Variants in RASGEF1B observed in about 807,000 individuals in gnomAD.
The protein encoded by RASGEF1B is RasGEF domain family member 1B, also known as ras-GEF domain-containing family member 1B.
Under a neutral mutation model 65.7 loss-of-function variants are expected in RASGEF1B, and 30 were observed. The ratio of observed to expected loss-of-function variants is 0.46; its 90% confidence interval spans 0.34 to 0.62. The LOEUF is 0.62. Ranked by LOEUF, RASGEF1B falls within the 20% of genes least tolerant of loss-of-function variation. The probability of loss-of-function intolerance (pLI) is 0.01; values close to 1 mark genes in which losing one functional copy is unlikely to be tolerated. For synonymous variants in RASGEF1B, 175 were observed against 194.8 expected (o/e 0.90, Z 0.85); for missense variants, 495 against 580.1 (o/e 0.85, Z 1.51).
At chr4:81,462,991 G>C (rs1722698917) in intron 1 of RASGEF1B, among the ~76,000 whole-genome samples, 1 of 152,152 alleles carries the variant, frequency 6.6e-6, no homozygotes, top group African/African-American at 2.4e-5. Flanking sequence ...GACAGGTGGG[G>C]TAGGGTTTCA....
intron 12 of RASGEF1B, among the ~76,000 whole-genome samples, chr4:81,432,902 T>C (rs1391542496): frequency 6.6e-6 from 1 of 151,922 alleles, no homozygotes; most frequent in South Asian, 2.1e-4. Context: ...TAAAAACAAA[T>C]CCCCTCTGGC....
At chr4:81,431,282 T>G (rs1721420439) in intron 13 of RASGEF1B, among the ~76,000 whole-genome samples, 1 of 149,894 alleles carries the variant, frequency 6.7e-6, no homozygotes, top group Admixed American at 6.7e-5. Context: ...GTCAATGCAT[T>G]ATTAGTTCTG....
In RASGEF1B at chr4:81,433,959, A is replaced by C; in HGVS notation, c.1205T>G (p.Phe402Cys). ...ACTCACTTGTTTGGCCAGTTCCCAA[A>C]ATTTCTGGAAGATAAGTAAAAAAAG... is the stretch of plus-strand genomic sequence containing the variant. Reference protein sequence around the residue: ...LPNGHVNFEKFWELAKQVSEF... With the variant: ...LPNGHVNFEKCWELAKQVSEF... Residue 402 changes from phenylalanine to cysteine, a missense_variant, in exon 12 of 14, where the codon TTT becomes TGT. By Grantham distance (205) the Phe-to-Cys change is radical. Transcript: ENST00000264400. The C allele has an allele frequency of 1.2e-6, 2 of 1,613,002 alleles. No individual in the cohort carries two copies. The highest frequency in any genetic ancestry group is 1.7e-6 in the Non-Finnish European group (2 of 1,179,346).
At chr4:81,437,362 A>G (rs897080792) in intron 10 of RASGEF1B, among the ~76,000 whole-genome samples, 1 of 152,216 alleles carries the variant, frequency 6.6e-6, no homozygotes, top group African/African-American at 2.4e-5. Flanking sequence ...CTTCTGTGCT[A>G]CTGTGTCTAA....
chr4:81,462,076 A>G (rs1722665153), intron 1 of RASGEF1B, among the ~76,000 whole-genome samples: 1 of 152,228 alleles, frequency 6.6e-6, no homozygotes, highest in African/African-American at 2.4e-5. Flanking sequence ...AAAGATTCAG[A>G]TTTAATGAAG....
chr4:81,456,525 T>C (rs774841439), intron 4 of RASGEF1B, 126 bp downstream of exon 4: 1 of 931,670 alleles, frequency 1.1e-6, no homozygotes, highest in Admixed American at 1.7e-5. Context: ...ATATGTGATG[T>C]GGAGGGCTTG....
chr4:81,434,578 GC>G lies in RASGEF1B; in HGVS notation c.1200+60del, dbSNP rs1298215089. ...TTGGCTGCCTGGCCAGGAATGCGGTGCTGGAGAAGCTGCCCCTCTCCTTGTG... is the reference window on the plus strand; with the variant it reads ...TTGGCTGCCTGGCCAGGAATGCGGTGTGGAGAAGCTGCCCCTCTCCTTGTG... On this transcript the variant is annotated intron_variant, in intron 11 of 13. Transcript: ENST00000264400. The G allele has an allele frequency of 4.3e-6, 4 of 920,526 alleles. No individual in the cohort carries two copies. The African/African-American group carries it at 6.5e-5, about 15-fold the overall frequency. 57.0% of individuals were successfully genotyped at this position (920,526 alleles called of 1,614,324 possible). A position where few individuals can be genotyped will look rare whatever the true frequency, so the allele number is the denominator to read the frequency against.
Position 81,433,963 on chromosome 4 carries a change from T to C in RASGEF1B, c.1201A>G (p.Lys401Glu). 1 of 1,612,952 alleles carries C rather than the reference T, an allele frequency of 6.2e-7. No individual in the cohort carries two copies. Among genetic ancestry groups the C allele is most frequent in the Non-Finnish European group, 8.5e-7 (1 of 1,179,174 alleles). The change falls in exon 12 of 14, where the codon AAA becomes GAA. Residue 401 changes from lysine to glutamate, a missense_variant and splice_region_variant. Coordinates refer to ENST00000264400, the MANE Select transcript of RASGEF1B (RefSeq NM_152545.3). ...ACTTGTTTGGCCAGTTCCCAAAATTTCTGGAAGATAAGTAAAAAAAGAATA... is the reference window on the plus strand; with the variant it reads ...ACTTGTTTGGCCAGTTCCCAAAATTCCTGGAAGATAAGTAAAAAAAGAATA... The part of the protein sequence containing the change: ...RLPNGHVNFE[K>E]FWELAKQVSE...
At chr4:81,441,521 A>G (rs1161925960) in intron 9 of RASGEF1B, among the ~76,000 whole-genome samples, 1 of 151,778 alleles carries the variant, frequency 6.6e-6, no homozygotes, top group Non-Finnish European at 1.5e-5. Context: ...TGATTCAAAT[A>G]CACATACTCT....
intron 1 of RASGEF1B, among the ~76,000 whole-genome samples, chr4:81,460,033 T>A (rs1393166378): frequency 2.6e-5 from 4 of 152,220 alleles, no homozygotes; most frequent in African/African-American, 9.6e-5. Context: ...ACTCTGTGCA[T>A]GTTTATATAT....
intron 4 of RASGEF1B, chr4:81,456,371 G>A: frequency 1.7e-6 from 1 of 598,654 alleles, no homozygotes; most frequent in Non-Finnish European, 3.0e-6. Context: ...TAAAAGTAAA[G>A]TAAAATTAAA....
intron 8 of RASGEF1B, among the ~76,000 whole-genome samples, chr4:81,443,873 C>T (rs964475444): frequency 6.6e-6 from 1 of 152,156 alleles, no homozygotes; most frequent in Non-Finnish European, 1.5e-5. Flanking sequence ...GTAGTAGTAC[C>T]ATTTTATACT....
intron 12 of RASGEF1B, among the ~76,000 whole-genome samples, 155 bp downstream of exon 12, chr4:81,433,685 C>A (rs1327486122): frequency 1.3e-5 from 2 of 152,118 alleles, no homozygotes; most frequent in African/African-American, 4.8e-5. Flanking sequence ...ATTTTAGGGA[C>A]AAATCATACA....
intron 8 of RASGEF1B, among the ~76,000 whole-genome samples, chr4:81,443,207 C>G (rs1169205047): frequency 6.6e-6 from 1 of 152,160 alleles, no homozygotes; most frequent in Non-Finnish European, 1.5e-5. Context: ...CCCATGCCAG[C>G]CTAAATGAGT....
At chr4:81,435,774 C>CA (rs1553944083) in intron 10 of RASGEF1B, among the ~76,000 whole-genome samples, 1 of 91,600 alleles carries the variant, frequency 1.1e-5, no homozygotes, top group Non-Finnish European at 2.0e-5. Context: ...CGCGCCTGGC[C>CA]TTTTTTTTTT....
At chr4:81,460,851 T>TA (rs1448155108) in intron 1 of RASGEF1B, among the ~76,000 whole-genome samples, 1 of 152,198 alleles carries the variant, frequency 6.6e-6, no homozygotes, top group Non-Finnish European at 1.5e-5. Flanking sequence ...AGGGACAATT[T>TA]AACGGGATCC....
chr4:81,442,398 G>A (rs202060263), intron 8 of RASGEF1B, 22 bp from the exon 9 acceptor site: 4 of 1,364,822 alleles, frequency 2.9e-6, no homozygotes, highest in Middle Eastern at 1.8e-4. Flanking sequence ...AAATGGAGGG[G>A]GAGAAAAAAG....
chr4:81,427,938 CT>C, intron 13 of RASGEF1B, 146 bp from the exon 14 acceptor site: 1 of 781,314 alleles, frequency 1.3e-6, no homozygotes, highest in East Asian at 3.0e-5. Flanking sequence ...AAAAATCAAG[CT>C]TTTAAGTCCT....
At chr4:81,458,486 C>T (rs145740976) in intron 2 of RASGEF1B, among the ~76,000 whole-genome samples, 375 of 152,242 alleles carry the variant, frequency 2.5e-3, no homozygotes, top group African/African-American at 8.4e-3. Flanking sequence ...TGAATTACTG[C>T]GGCAAGCACC....
Sources: gnomAD v4.1 joint callset for allele counts (sites outside exome capture counted in the v4.1 genomes callset) on GRCh38, gnomAD v4.1.1 for gene constraint, MANE v1.5 for transcripts, NCBI Gene and HGNC (gene_info 2026-07-23, HGNC 2026-07-21) for gene names.